The following CERKL variants were observed in gnomAD, a reference collection of about 807,000 sequenced individuals.
The protein encoded by CERKL is CERK like autophagy regulator, also known as ceramide kinase-like protein.
In CERKL, 61 loss-of-function variants were observed where a neutral mutation model predicts 63.4. The ratio of observed to expected loss-of-function variants is 0.96; its 90% CI spans 0.78 to 1.19. CERKL has a LOEUF of 1.19. Ranked by LOEUF, CERKL falls within the 50% of genes most tolerant of loss-of-function variation. The pLI, the probability that CERKL is intolerant of heterozygous loss-of-function variation, is 0.00. For missense variants in CERKL, 675 were observed against 655.5 expected, an observed-to-expected ratio of 1.03 and a Z score of -0.33; for synonymous variants, 250 against 230.5, an observed-to-expected ratio of 1.08 and a Z score of -0.77.
chr2:181,656,756 G>A lies in CERKL; in HGVS notation c.238+13C>T, dbSNP rs1231637858. 1.9e-6 allele frequency: 3 copies of A among 1,579,632 alleles called. No homozygotes were observed. Among genetic ancestry groups the A allele is most frequent in the Non-Finnish European group, 2.6e-6 (3 of 1,162,338 alleles). Reference sequence around the variant, plus strand: ...GCGGAGGGAGGCGAAGACGCTTGGGGCCGGGCACTCACCCGCCGGGCGCTC... The same window carrying A: ...GCGGAGGGAGGCGAAGACGCTTGGGACCGGGCACTCACCCGCCGGGCGCTC... On this transcript the variant is annotated intron_variant, in intron 1 of 12. Coordinates refer to ENST00000410087, the MANE Select transcript of CERKL (RefSeq NM_201548.5).
intron 4 of CERKL, among the ~76,000 whole-genome samples, chr2:181,559,450 T>C (rs1394656362): frequency 6.6e-6 from 1 of 152,118 alleles, no homozygotes; most frequent in Non-Finnish European, 1.5e-5. Context: ...GTTAACCCAA[T>C]GGAAAGTGGA....
chr2:181,656,322 T>C (rs1333738611), intron 1 of CERKL, among the ~76,000 whole-genome samples: 4 of 152,232 alleles, frequency 2.6e-5, no homozygotes, highest in Non-Finnish European at 4.4e-5. Flanking sequence ...TCAGAACTCT[T>C]GTGTAGGCAT....
chr2:181,630,141 C>CCAGCCT (rs755275772), intron 1 of CERKL, among the ~76,000 whole-genome samples: 16 of 152,172 alleles, frequency 1.1e-4, no homozygotes, highest in Non-Finnish European at 1.8e-4. Context: ...TAGCAATCCT[C>CCAGCCT]CAGCCTCAGC....
chr2:181,540,246 A>G (rs1687438733), intron 11 of CERKL, among the ~76,000 whole-genome samples: 1 of 152,228 alleles, frequency 6.6e-6, no homozygotes, highest in Non-Finnish European at 1.5e-5. Context: ...ACTGTTTGAC[A>G]GTAACTGCGT....
At chr2:181,610,185 A>G (rs1245111393) in intron 1 of CERKL, among the ~76,000 whole-genome samples, 1 of 152,238 alleles carries the variant, frequency 6.6e-6, no homozygotes, top group Non-Finnish European at 1.5e-5. Flanking sequence ...TAAAGTACAT[A>G]AAAGACCCAA....
chr2:181,638,795 C>A (rs1452115027), intron 1 of CERKL, among the ~76,000 whole-genome samples: 3 of 152,214 alleles, frequency 2.0e-5, no homozygotes, highest in Non-Finnish European at 4.4e-5. Flanking sequence ...AATGGGCAAT[C>A]TTTTTCCCAA....
intron 2 of CERKL, among the ~76,000 whole-genome samples, chr2:181,601,599 T>C (rs1685461600): frequency 6.6e-6 from 1 of 152,120 alleles, no homozygotes; most frequent in Non-Finnish European, 1.5e-5. Context: ...AAAGTGCCAG[T>C]GTAACACAAG....
At chr2:181,551,644 T>G (rs1597305) in intron 5 of CERKL, among the ~76,000 whole-genome samples, 151,012 of 152,240 alleles carry the variant, frequency 0.99, 74,914 homozygotes, top group Middle Eastern at 1. Context: ...AAAAAGTCAA[T>G]AAACAATAGA....
intron 11 of CERKL, 116 bp downstream of exon 11, chr2:181,544,584 T>C (rs1687643688): frequency 4.7e-6 from 3 of 638,956 alleles, no homozygotes; most frequent in South Asian, 4.1e-5. Context: ...AAGATTAATA[T>C]ATTCAGAAGA....
chr2:181,627,577 C>T (rs1379346039), intron 1 of CERKL, among the ~76,000 whole-genome samples: 3 of 152,110 alleles, frequency 2.0e-5, no homozygotes, highest in African/African-American at 7.2e-5. Flanking sequence ...AATTCTTTAC[C>T]AATTCCAACC....
intron 2 of CERKL, among the ~76,000 whole-genome samples, chr2:181,578,952 G>A (rs1684382311): frequency 1.3e-5 from 2 of 152,022 alleles, no homozygotes; most frequent in African/African-American, 2.4e-5. Context: ...CAAAGAGTAC[G>A]TACTCTTAAG....
intron 1 of CERKL, among the ~76,000 whole-genome samples, chr2:181,644,330 A>ATTTTTC (rs1553522957): frequency 6.6e-6 from 1 of 152,192 alleles, no homozygotes; most frequent in African/African-American, 2.4e-5. Context: ...TTTCTTCAGG[A>ATTTTTC]TTTTTCTCAT....
At chr2:181,576,423 T>C (rs991522557) in intron 2 of CERKL, among the ~76,000 whole-genome samples, 5 of 152,226 alleles carry the variant, frequency 3.3e-5, no homozygotes, top group African/African-American at 9.6e-5. Context: ...TGATTCTTGA[T>C]TGGGTTTTTA....
chr2:181,629,266 A>C (rs1189867368), intron 1 of CERKL, among the ~76,000 whole-genome samples: 1 of 152,198 alleles, frequency 6.6e-6, no homozygotes, highest in African/African-American at 2.4e-5. Flanking sequence ...ACAGCAGAAA[A>C]ATAATATTGG....
intron 2 of CERKL, among the ~76,000 whole-genome samples, chr2:181,578,067 T>C (rs889860205): frequency 2.0e-5 from 3 of 152,328 alleles, no homozygotes; most frequent in Admixed American, 2.0e-4. Context: ...ATACACATGC[T>C]ACAGAATTCA....
At chr2:181,548,471 T>C in intron 8 of CERKL, 74 bp downstream of exon 8, 3 of 1,096,302 alleles carry the variant, frequency 2.7e-6, no homozygotes, top group Non-Finnish European at 2.8e-6. Flanking sequence ...ATCCTAAGTC[T>C]GATCAATTGT....
At chr2:181,620,214 C>T (rs758290298) in intron 1 of CERKL, among the ~76,000 whole-genome samples, 5 of 152,102 alleles carry the variant, frequency 3.3e-5, no homozygotes, top group Non-Finnish European at 7.4e-5. Context: ...CATGGGCTTC[C>T]TTATTGGTAA....
At chr2:181,538,464 C>T in intron 12 of CERKL, among the ~76,000 whole-genome samples, 1 of 152,110 alleles carries the variant, frequency 6.6e-6, no homozygotes, top group Non-Finnish European at 1.5e-5. Context: ...TTGTCCAATG[C>T]TCTCCATTAC....
At chr2:181,604,987 G>T (rs767634622) in intron 1 of CERKL, among the ~76,000 whole-genome samples, 1 of 152,104 alleles carries the variant, frequency 6.6e-6, no homozygotes, top group African/African-American at 2.4e-5. Context: ...CTTAAAAAAA[G>T]ACTTCCAAAA....
Sources: allele counts gnomAD v4.1 joint callset (sites outside exome capture counted in the v4.1 genomes callset), GRCh38; gene constraint gnomAD v4.1.1; transcripts MANE v1.5; gene names NCBI Gene and HGNC (gene_info 2026-07-23, HGNC 2026-07-21).